Variants in AGAP1 observed in about 807,000 individuals in gnomAD.
AGAP1 encodes the protein arf-GAP with GTPase, ANK repeat and PH domain-containing protein 1.
AGAP1 carries 29 observed loss-of-function variants against 105.3 expected under a neutral mutation model. The ratio of observed to expected loss-of-function variants is 0.28; its 90% CI spans 0.21 to 0.38. The LOEUF is 0.38. Ranked by LOEUF, AGAP1 falls within the 10% of genes least tolerant of loss-of-function variation. The probability of loss-of-function intolerance (pLI) is 1.00; values close to 1 mark genes in which losing one functional copy is unlikely to be tolerated. For synonymous variants in AGAP1, 509 were observed against 485.9 expected, an observed-to-expected ratio of 1.05 and a Z score of -0.63; for missense variants, 998 against 1,165.1, an observed-to-expected ratio of 0.86 and a Z score of 2.09.
chr2:235,495,826 C>T (rs562163126), intron 1 of AGAP1, among the ~76,000 whole-genome samples: 115 of 152,370 alleles, frequency 7.5e-4, no homozygotes, highest in Non-Finnish European at 1.3e-3. Flanking sequence ...ATCTTAGCCA[C>T]AGTTGATCAG....
At chr2:236,041,998 T>G (rs2057562864) in intron 15 of AGAP1, among the ~76,000 whole-genome samples, 1 of 152,200 alleles carries the variant, frequency 6.6e-6, no homozygotes, top group Admixed American at 6.5e-5. Context: ...AGATGCTTTT[T>G]GGGCTGGAAA....
At chr2:235,589,194 G>GTTTTTTTTTTTTTTTTTTTTT (rs928149334) in intron 1 of AGAP1, among the ~76,000 whole-genome samples, 1 of 59,584 alleles carries the variant, frequency 1.7e-5, no homozygotes, top group Admixed American at 2.2e-4. Flanking sequence ...TTATTGTTTT[G>GTTTTTTTTTTTTTTTTTTTTT]TTTTTTTTTT....
rs898686714 is a variant in AGAP1, at chr2:235,832,379, T to C, written c.1050+25048T>C. Among the ~76,000 whole-genome samples the C allele has an allele frequency of 6.6e-5, 10 of 152,342 alleles. No individual in the cohort carries two copies. In the South Asian group the frequency reaches 1.0e-3, roughly 16 times the overall value. ...TGGGCTTCATTTTGCCTGTAACATA[T>C]CATTAGCATTTTCCTTACAGTTTGA... On this transcript the variant is annotated intron_variant, in intron 9 of 17. Transcript: ENST00000304032.
At chr2:235,735,782 C>T (rs766934914) in intron 3 of AGAP1, among the ~76,000 whole-genome samples, 55 of 152,062 alleles carry the variant, frequency 3.6e-4, no homozygotes, top group Non-Finnish European at 6.8e-4. Context: ...AGGCACCCAG[C>T]GCAGTTTCCA....
intron 6 of AGAP1, among the ~76,000 whole-genome samples, chr2:235,774,704 CAG>C (rs1176552478): frequency 2.0e-5 from 3 of 152,212 alleles, no homozygotes; most frequent in East Asian, 3.8e-4. Context: ...TGATTCCAAT[CAG>C]AGATTTCACA....
intron 13 of AGAP1, among the ~76,000 whole-genome samples, chr2:236,022,755 G>T (rs1261873727): frequency 6.6e-6 from 1 of 152,110 alleles, no homozygotes; most frequent in Non-Finnish European, 1.5e-5. Context: ...GGCTGCTCCC[G>T]AACTCCTCAC....
chr2:235,863,780 C>T (rs1036586588), intron 9 of AGAP1, among the ~76,000 whole-genome samples: 1 of 152,152 alleles, frequency 6.6e-6, no homozygotes, highest in African/African-American at 2.4e-5. Context: ...ACCTGTGGGA[C>T]ACCAGGTAGT....
chr2:235,526,671 A>ACG (rs5839596), intron 1 of AGAP1, among the ~76,000 whole-genome samples: 1 of 151,770 alleles, frequency 6.6e-6, no homozygotes, highest in East Asian at 1.9e-4. Context: ...TTACAAAATT[A>ACG]TTGTGTGTAT....
chr2:235,543,574 G>T (rs28480469), intron 1 of AGAP1, among the ~76,000 whole-genome samples: 9,832 of 152,282 alleles, frequency 0.065, 446 homozygotes, highest in South Asian at 0.18. Flanking sequence ...CTGGCCGGGG[G>T]TGTTTCCCCG....
intron 1 of AGAP1, among the ~76,000 whole-genome samples, chr2:235,618,656 A>G (rs1392964283): frequency 6.6e-6 from 1 of 152,196 alleles, no homozygotes; most frequent in African/African-American, 2.4e-5. Context: ...AAATTACAAG[A>G]CTTAAAATTT....
chr2:236,060,674 C>T lies in AGAP1; in HGVS notation c.2114+11393C>T, dbSNP rs560689973. ...CGCACCACTGCACTCCAGCCTGGGC[C>T]GCAGAGTGAGACCCCATCTCAAAAA... On this transcript the variant is annotated intron_variant, in intron 16 of 17. Transcript: ENST00000304032. Among the ~76,000 whole-genome samples the T allele has an allele frequency of 1.3e-3, 190 of 151,228 alleles. 2 individuals are homozygous for T. The highest frequency in any genetic ancestry group is 2.9e-3 in the South Asian group (14 of 4,758).
intron 1 of AGAP1, among the ~76,000 whole-genome samples, chr2:235,498,812 G>A (rs1310644383): frequency 6.6e-6 from 1 of 152,142 alleles, no homozygotes; most frequent in Non-Finnish European, 1.5e-5. Context: ...TCCCCACCAG[G>A]TGGCCGATGA....
At chr2:235,770,423 C>A (rs561591384) in intron 6 of AGAP1, among the ~76,000 whole-genome samples, 25 of 152,168 alleles carry the variant, frequency 1.6e-4, no homozygotes, top group Non-Finnish European at 3.2e-4. Flanking sequence ...GCGTGAGCCA[C>A]CACGCCTGGC....
rs572324257 is a variant in AGAP1 at position 235,765,961 on chromosome 2, C to T, written c.673+15473C>T. Among the ~76,000 whole-genome samples, 12 of 152,274 alleles carry T rather than the reference C, an allele frequency of 7.9e-5. No homozygotes were observed. The South Asian group carries it at 2.5e-3, about 32-fold the overall frequency. On this transcript the variant is annotated intron_variant, in intron 6 of 17. Transcript: ENST00000304032. ...GGACAGAGACCCCACCTAGCTCGAC[C>T]CTTCCCTTCACAGGTGGACAGGACC...
chr2:235,513,845 T>C (rs1243480724), intron 1 of AGAP1, among the ~76,000 whole-genome samples: 1 of 152,208 alleles, frequency 6.6e-6, no homozygotes, highest in Admixed American at 6.5e-5. Context: ...GCCGTTATGA[T>C]GTCCATGAGG....
rs528437784 is a variant in AGAP1, at chr2:236,046,971, T to C, written c.1892-2088T>C. Among the ~76,000 whole-genome samples, 160 of 152,094 alleles carry C rather than the reference T, an allele frequency of 1.1e-3. No homozygotes were observed. The highest frequency in any genetic ancestry group is 3.6e-3 in the African/African-American group (149 of 41,492). ...AGCAAGACCCCATCTGTGCAAAAAA[T>C]GTAAGAAGTTAGCCAGGCATGGTGA... On this transcript the variant is annotated intron_variant, in intron 15 of 17. Coordinates refer to ENST00000304032, the MANE Select transcript of AGAP1 (RefSeq NM_001037131.3). The surrounding 1 kb of genome is among the most constrained non-coding windows in gnomAD (Gnocchi z 5.2).
chr2:235,990,191 A>G (rs1240661606), intron 13 of AGAP1, among the ~76,000 whole-genome samples: 1 of 152,168 alleles, frequency 6.6e-6, no homozygotes, highest in African/African-American at 2.4e-5. Flanking sequence ...CTCAAATATT[A>G]TCTGTTATGT....
chr2:235,630,411 A>C (rs1432736007), intron 1 of AGAP1, among the ~76,000 whole-genome samples: 1 of 152,122 alleles, frequency 6.6e-6, no homozygotes, highest in African/African-American at 2.4e-5. Flanking sequence ...GGGTTTCACC[A>C]TGTTGATCAG....
intron 6 of AGAP1, among the ~76,000 whole-genome samples, chr2:235,783,783 TGG>T (rs1956429251): frequency 2.0e-5 from 3 of 152,170 alleles, no homozygotes; most frequent in Non-Finnish European, 4.4e-5. Flanking sequence ...ATTTTCATCG[TGG>T]CTTGGGTTAC....
Sources: allele counts gnomAD v4.1 joint callset (sites outside exome capture counted in the v4.1 genomes callset), GRCh38; gene constraint gnomAD v4.1.1; non-coding constraint Gnocchi (gnomAD v3.1); transcripts MANE v1.5; gene names NCBI Gene and HGNC (gene_info 2026-07-23, HGNC 2026-07-21).